The following MX1 variants were observed in gnomAD, a reference collection of about 807,000 sequenced individuals.
MX1 encodes the protein MX dynamin like GTPase 1.
Under a neutral mutation model 66.4 loss-of-function variants are expected in MX1, and 66 were observed. The observed-to-expected ratio is 0.99, with a 90% CI of 0.82 to 1.22. MX1 has a LOEUF of 1.22. Among genes scored for constraint, MX1 ranks in the 50% most tolerant of loss-of-function variants. The probability of loss-of-function intolerance (pLI) is 0.00; values close to 1 mark genes in which losing one functional copy is unlikely to be tolerated. For missense variants in MX1, 787 were observed against 834.3 expected, an observed-to-expected ratio of 0.94 and a Z score of 0.70; for synonymous variants, 311 against 318.1, an observed-to-expected ratio of 0.98 and a Z score of 0.24.
intron 16 of MX1, among the ~76,000 whole-genome samples, chr21:41,454,957 A>G (rs1204310050): frequency 6.7e-6 from 1 of 149,648 alleles, no homozygotes; most frequent in Non-Finnish European, 1.5e-5. Flanking sequence ...CCCAGGCTGG[A>G]GTGCAGTGGC....
chr21:41,457,423 T>C (rs1411106169), intron 16 of MX1, among the ~76,000 whole-genome samples: 1 of 152,256 alleles, frequency 6.6e-6, no homozygotes, highest in Non-Finnish European at 1.5e-5. Context: ...AATATTTTCT[T>C]TAAGTAATTT....
At chr21:41,449,495 C>G in intron 14 of MX1, 200 bp downstream of exon 14, 1 of 503,154 alleles carries the variant, frequency 2.0e-6, no homozygotes, top group Non-Finnish European at 3.4e-6. Flanking sequence ...AGTGTGGACC[C>G]CATAGCTTAA....
At chr21:41,455,061 C>T (rs1223028545) in intron 16 of MX1, among the ~76,000 whole-genome samples, 1 of 152,178 alleles carries the variant, frequency 6.6e-6, no homozygotes, top group Non-Finnish European at 1.5e-5. Flanking sequence ...CTTACCTTGC[C>T]ACCATGCCTA....
chr21:41,458,431 T>C (rs766674370), intron 16 of MX1, 97 bp from the exon 17 acceptor site: 1 of 1,454,614 alleles, frequency 6.9e-7, no homozygotes, highest in Non-Finnish European at 9.4e-7. Context: ...GTCTCCCTCA[T>C]TGAGAATCTG....
At chr21:41,443,738 G>A in intron 10 of MX1, 50 bp from the exon 11 acceptor site, 1 of 1,573,352 alleles carries the variant, frequency 6.4e-7, no homozygotes, top group Non-Finnish European at 8.7e-7. Flanking sequence ...AGGCAGACAT[G>A]CGTGTTCTGG....
At position 41,441,530 on chromosome 21, in the gene MX1, C is replaced by G. The variant is rs947745651; in HGVS notation, c.731-186C>G. ...GTTCTGGGAGGCATCCCTGCCTTCA[C>G]GCGGCTTGTCGTGGAGTTCTTTTCT... On this transcript the variant is annotated intron_variant, in intron 9 of 16. Coordinates refer to ENST00000398598, the MANE Select transcript of MX1 (RefSeq NM_002462.5). This position sits in a 1 kb window ranked among gnomAD's most constrained non-coding sequence, Gnocchi z 4.0. The G allele has an allele frequency of 3.2e-6, 2 of 625,070 alleles. No homozygotes were observed. The allele number at this position is 625,070 out of a possible 1,614,324, so 38.7% of individuals were successfully genotyped here.
chr21:41,445,929 C>A, intron 12 of MX1, 71 bp from the exon 13 acceptor site: 1 of 1,574,346 alleles, frequency 6.4e-7, no homozygotes, highest in Non-Finnish European at 8.7e-7. Flanking sequence ...CACATAGGCA[C>A]GGCCTCCAAA....
At chr21:41,442,464 A>G (rs1383006825) in intron 10 of MX1, among the ~76,000 whole-genome samples, 1 of 152,242 alleles carries the variant, frequency 6.6e-6, no homozygotes, top group Admixed American at 6.5e-5. Flanking sequence ...GCATCTCAGA[A>G]GAAAGGTAGG....
rs1193829819 is a variant in MX1, at chr21:41,441,647, G to C, written c.731-69G>C. ...GGAAACCCTGGGAGGCCGGGGGCGT[G>C]AGCAGTTGTTCGTTCACCTCTGCCT... On this transcript the variant is annotated intron_variant, in intron 9 of 16. Coordinates refer to ENST00000398598, the MANE Select transcript of MX1 (RefSeq NM_002462.5). The surrounding 1 kb of genome is among the most constrained non-coding windows in gnomAD (Gnocchi z 4.0). 9.9e-6 allele frequency: 15 copies of C among 1,517,792 alleles called. No homozygotes were observed. The highest frequency in any genetic ancestry group is 1.7e-5 in the Admixed American group (1 of 59,858). The allele number at this position is 1,517,792 out of a possible 1,614,324, so 94.0% of individuals were successfully genotyped here. A position where few individuals can be genotyped will look rare whatever the true frequency, so the allele number is the denominator to read the frequency against.
intron 6 of MX1, among the ~76,000 whole-genome samples, chr21:41,436,274 GCA>G (rs943049472): frequency 3.3e-5 from 5 of 152,142 alleles, no homozygotes; most frequent in African/African-American, 1.2e-4. Context: ...CTTCATAAGG[GCA>G]CCAGTCATAT....
intron 5 of MX1, among the ~76,000 whole-genome samples, chr21:41,435,577 G>A (rs468395): frequency 0.35 from 52,594 of 151,764 alleles, 11,486 homozygotes; most frequent in Non-Finnish European, 0.5. Context: ...TTCACAAGGT[G>A]GCAGGAGAGA....
chr21:41,441,592 G>T lies in MX1; in HGVS notation c.731-124G>T. The stretch of plus-strand genomic sequence containing the variant: ...CCACTGCCCCCATGGTTCTGCAGGG[G>T]CTATGGCCTGTCCTCAAGCAAGGAT... On this transcript the variant is annotated intron_variant, in intron 9 of 16. Transcript: ENST00000398598. This position sits in a 1 kb window ranked among gnomAD's most constrained non-coding sequence, Gnocchi z 4.0. 1 of 973,144 alleles carries T rather than the reference G, an allele frequency of 1.0e-6. No homozygotes were observed. The highest frequency in any genetic ancestry group is 1.8e-5 in the Admixed American group (1 of 56,608). The allele number at this position is 973,144 out of a possible 1,614,324, so 60.3% of individuals were successfully genotyped here.
chr21:41,448,225 A>G (rs1477008293), intron 13 of MX1, among the ~76,000 whole-genome samples: 1 of 152,220 alleles, frequency 6.6e-6, no homozygotes, highest in Middle Eastern at 3.2e-3. Context: ...ATCATTCCAA[A>G]AGTTTAAAGA....
At position 41,443,880 on chromosome 21, in the gene MX1, G is replaced by C. The variant is rs1380939797; in HGVS notation, c.1008+14G>C. The C allele has an allele frequency of 3.7e-6, 6 of 1,613,608 alleles. No individual in the cohort carries two copies. Among genetic ancestry groups the C allele is most frequent in the Non-Finnish European group, 5.1e-6 (6 of 1,179,488 alleles). On this transcript the variant is annotated intron_variant, in intron 11 of 16. Transcript: ENST00000398598. ...ACACATATCTGTGTAAGCACGGGCA[G>C]AGCTGTGGGTTCTCTAAAAAGAATA...
rs750141859 is a variant in MX1, at chr21:41,440,965, G to A, written c.670G>A (p.Ala224Thr). The stretch of plus-strand genomic sequence containing the variant: ...GGTGGTCCCCAGTAATGTGGACATC[G>A]CCACCACAGAGGCTCTCAGCATGGC... ...LVVVPSNVDI[A>T]TTEALSMAQE... The change falls in exon 9 of 17, where the codon GCC (alanine) becomes ACC (threonine). Residue 224 changes from alanine to threonine, a missense_variant. By Grantham distance (58) the Ala-to-Thr change is moderately conservative (BLOSUM62 0). Coordinates refer to ENST00000398598, the MANE Select transcript of MX1 (RefSeq NM_002462.5). The A allele has an allele frequency of 5.6e-6, 9 of 1,614,072 alleles. No individual in the cohort carries two copies. The highest frequency in any genetic ancestry group is 1.1e-5 in the South Asian group (1 of 91,090).
At chr21:41,430,199 G>C (rs1455741217) in intron 3 of MX1, among the ~76,000 whole-genome samples, 1 of 151,992 alleles carries the variant, frequency 6.6e-6, no homozygotes, top group Non-Finnish European at 1.5e-5. Context: ...GATGAGTTTT[G>C]TTTTAACAAC....
chr21:41,424,674 G>A (rs2090029349), upstream of MX1, among the ~76,000 whole-genome samples: 1 of 152,212 alleles, frequency 6.6e-6, no homozygotes, highest in Non-Finnish European at 1.5e-5. Flanking sequence ...AGCTCCCAAA[G>A]GGAGGACCAC....
At chr21:41,458,466 G>A in intron 16 of MX1, 62 bp from the exon 17 acceptor site, 2 of 1,177,642 alleles carry the variant, frequency 1.7e-6, no homozygotes, top group Non-Finnish European at 2.2e-6. Context: ...CACATGGTGA[G>A]GTCAGAGTCC....
At position 41,432,098 on chromosome 21, in the gene MX1, A is replaced by G. The variant is rs1391626300; in HGVS notation, c.28A>G (p.Lys10Glu). 6.2e-7 allele frequency: 1 copy of G among 1,614,180 alleles called. No homozygotes were observed. The highest frequency in any genetic ancestry group is 1.7e-5 in the Admixed American group (1 of 60,034). The change falls in exon 5 of 17, where the codon AAA (lysine) becomes GAA (glutamate). Residue 10 changes from lysine (K) to glutamate (E), a missense_variant. Coordinates refer to ENST00000398598, the MANE Select transcript of MX1 (RefSeq NM_002462.5). MVVSEVDIAKADPAAASHPL... is the reference protein window; with the variant it reads MVVSEVDIAEADPAAASHPL... Reference sequence around the variant, plus strand: ...GGTTGTTTCCGAAGTGGACATCGCAAAAGCTGATCCAGCTGCTGCATCCCA... The same window carrying G: ...GGTTGTTTCCGAAGTGGACATCGCAGAAGCTGATCCAGCTGCTGCATCCCA...
Sources: gnomAD v4.1 joint callset for allele counts (sites outside exome capture counted in the v4.1 genomes callset) on GRCh38, gnomAD v4.1.1 for gene constraint, Gnocchi (gnomAD v3.1) non-coding constraint, MANE v1.5 for transcripts, NCBI Gene and HGNC (gene_info 2026-07-23, HGNC 2026-07-21) for gene names.